Variants in BCL6 observed in about 807,000 individuals in gnomAD.
BCL6 encodes B-cell lymphoma 6 protein.
Under a neutral mutation model 59.5 loss-of-function variants are expected in BCL6, and 7 were observed. That is an observed-to-expected ratio of 0.12 (90% CI 0.07 to 0.22). BCL6 has a LOEUF of 0.22. Among genes scored for constraint, BCL6 ranks in the 10% least tolerant of loss-of-function variants. BCL6 has a pLI of 1.00. For missense variants in BCL6, 685 were observed against 939.4 expected (o/e 0.73, Z 3.54); for synonymous variants, 339 against 349.7 (o/e 0.97, Z 0.34).
chr3:187,743,970 T>C (rs979793497), intron 1 of BCL6, among the ~76,000 whole-genome samples: 5 of 152,258 alleles, frequency 3.3e-5, no homozygotes, highest in East Asian at 1.9e-4. Context: ...GGCCACAAAG[T>C]GCCCTTCTCT....
At position 187,733,499 on chromosome 3, in the gene BCL6, T is replaced by G. The variant is rs571324234; in HGVS notation, c.161+34A>C. The G allele has an allele frequency of 1.3e-5, 21 of 1,605,360 alleles. No homozygotes were observed. The Middle Eastern group carries it at 5.2e-4, about 40-fold the overall frequency. Reference sequence around the variant, plus strand: ...GGCTGCCAGCACCATCACCCCACTTTGACTTACCCACCCTTTCCTTTCAGA... The same window carrying G: ...GGCTGCCAGCACCATCACCCCACTTGGACTTACCCACCCTTTCCTTTCAGA... On this transcript the variant is annotated intron_variant, in intron 3 of 9. Coordinates refer to ENST00000406870, the MANE Select transcript of BCL6 (RefSeq NM_001706.5).
chr3:187,744,815 A>C (rs1711824695), intron 1 of BCL6, among the ~76,000 whole-genome samples: 1 of 152,084 alleles, frequency 6.6e-6, no homozygotes, highest in Admixed American at 6.5e-5. Context: ...CGACGGAGCA[A>C]GGAAAGCAGT....
intron 9 of BCL6, 88 bp from the exon 10 acceptor site, chr3:187,722,689 T>C: frequency 6.6e-7 from 1 of 1,523,438 alleles, no homozygotes; most frequent in Non-Finnish European, 8.9e-7. Flanking sequence ...AGATTCTCCC[T>C]ACGAGGGACT....
chr3:187,733,938 A>G, intron 2 of BCL6: 1 of 529,734 alleles, frequency 1.9e-6, no homozygotes, highest in Non-Finnish European at 3.4e-6. Context: ...GGGAAAAGCA[A>G]AGGGAATGAA....
At chr3:187,724,885 T>A in intron 9 of BCL6, 56 bp downstream of exon 9, 1 of 1,608,750 alleles carries the variant, frequency 6.2e-7, no homozygotes, top group East Asian at 2.2e-5. Flanking sequence ...CTCCACCTCC[T>A]TCCCTGCCCT....
At chr3:187,744,946 C>A in intron 1 of BCL6, among the ~76,000 whole-genome samples, 1 of 152,264 alleles carries the variant, frequency 6.6e-6, no homozygotes, top group East Asian at 1.9e-4. Context: ...CGGTCTGGGG[C>A]CAGACAGCCC....
chr3:187,730,404 GA>G (rs1460198775), intron 4 of BCL6, among the ~76,000 whole-genome samples: 1 of 152,218 alleles, frequency 6.6e-6, no homozygotes, highest in Admixed American at 6.5e-5. Context: ...ATCCTGAAAG[GA>G]AGGAAAGGTG....
At chr3:187,727,980 C>T (rs1579808756) in intron 6 of BCL6, among the ~76,000 whole-genome samples, 1 of 152,292 alleles carries the variant, frequency 6.6e-6, no homozygotes, top group South Asian at 2.1e-4. Flanking sequence ...AGATGCTTCT[C>T]CTTACAGAAT....
intron 5 of BCL6, among the ~76,000 whole-genome samples, chr3:187,728,798 C>CA (rs1199791592): frequency 6.6e-6 from 1 of 152,186 alleles, no homozygotes; most frequent in East Asian, 1.9e-4. Context: ...TCCCCTGCTA[C>CA]ATCAAGACCA....
Position 187,740,135 on chromosome 3 carries a change from G to A in BCL6, c.-49-5228C>T, listed in dbSNP as rs969680835. 4.6e-5 allele frequency among the ~76,000 whole-genome samples: 7 copies of A among 152,176 alleles called. No homozygotes were observed. The South Asian group carries it at 8.3e-4, about 18-fold the overall frequency. ...AGGGGCCGCCAGCATGCGGACGCGC[G>A]TTTGCCATCTTAAGTCACGAGCTCG... On this transcript the variant is annotated intron_variant, in intron 1 of 9. Coordinates refer to ENST00000406870, the MANE Select transcript of BCL6 (RefSeq NM_001706.5).
chr3:187,728,912 T>C, intron 5 of BCL6, 138 bp downstream of exon 5: 3 of 1,217,286 alleles, frequency 2.5e-6, no homozygotes, highest in Non-Finnish European at 3.3e-6. Flanking sequence ...AATACTTCCT[T>C]ACTCAGACTA....
chr3:187,744,124 G>C (rs903402939), intron 1 of BCL6, among the ~76,000 whole-genome samples: 2 of 152,120 alleles, frequency 1.3e-5, no homozygotes, highest in African/African-American at 2.4e-5. Flanking sequence ...TTGCACCATG[G>C]GAAAAAATAA....
At chr3:187,739,712 C>G (rs1313107955) in intron 1 of BCL6, among the ~76,000 whole-genome samples, 1 of 152,240 alleles carries the variant, frequency 6.6e-6, no homozygotes, top group Non-Finnish European at 1.5e-5. Flanking sequence ...CAGAAGGGCC[C>G]GAAGACAATG....
At position 187,725,516 on chromosome 3, in the gene BCL6, C is replaced by T. The variant is rs1042221684; in HGVS notation, c.1822G>A (p.Gly608Arg). 1.2e-6 allele frequency: 2 copies of T among 1,614,102 alleles called. No homozygotes were observed. The highest frequency in any genetic ancestry group is 8.5e-7 in the Non-Finnish European group (1 of 1,180,028). The change falls in exon 8 of 10, where the codon GGA (glycine) becomes AGA (arginine). Residue 608 changes from glycine (G) to arginine (R), a missense_variant. By Grantham distance (125) the Gly-to-Arg change is moderately radical (BLOSUM62 -2). Transcript: ENST00000406870. This position sits in a 1 kb window ranked among gnomAD's most constrained non-coding sequence, Gnocchi z 4.7. ...GEKPYKCETC[G>R]ARFVQVAHLR... ...CTGCTCACCTGTACAAATCTGGCTC[C>T]GCAGGTTTCGCATTTGTAGGGCTTC... is the stretch of plus-strand genomic sequence containing the variant.
chr3:187,729,000 C>A (rs1210716590), intron 5 of BCL6, 50 bp downstream of exon 5: 13 of 1,507,190 alleles, frequency 8.6e-6, no homozygotes, highest in Non-Finnish European at 1.2e-5. Context: ...CGACATGGAA[C>A]CCTGCCCAGG....
In BCL6 at chr3:187,728,423, C is replaced by A. The variant is rs2229362; in HGVS notation, c.1477G>T (p.Ala493Ser). ...ATCTCCTCAGGGAACGTGGGGCCAG[C>A]GGTGTGGAGGCACATCTCTGCATGC... ...PQHAEMCLHT[A>S]GPTFPEEMGE... Residue 493 changes from alanine to serine, a missense_variant, in exon 6 of 10, where the codon GCT becomes TCT. Physicochemically the swap from Ala to Ser is moderately conservative, Grantham distance 99. This residue lies in a region of BCL6 where 207 missense variants were observed against 213.7 expected (regional missense o/e 0.97). Coordinates refer to ENST00000406870, the MANE Select transcript of BCL6 (RefSeq NM_001706.5). The A allele has an allele frequency of 6.2e-7, 1 of 1,611,092 alleles. No individual in the cohort carries two copies. The highest frequency in any genetic ancestry group is 8.5e-7 in the Non-Finnish European group (1 of 1,178,742).
chr3:187,738,357 T>C (rs955258544), intron 1 of BCL6, among the ~76,000 whole-genome samples: 2 of 152,018 alleles, frequency 1.3e-5, no homozygotes, highest in African/African-American at 4.8e-5. Context: ...CCAGGCAAGG[T>C]TGGAGAAAAA....
Position 187,725,765 on chromosome 3 carries a change from G to C in BCL6, c.1709-136C>G, listed in dbSNP as rs535111539. On this transcript the variant is annotated intron_variant, in intron 7 of 9. Transcript: ENST00000406870. This position sits in a 1 kb window ranked among gnomAD's most constrained non-coding sequence, Gnocchi z 4.7. ...TTTTCCTTTCCCTTAGGGAATGTGA[G>C]AGAGAGAATCCAGGGGCCTGCCCCC... 2.7e-5 allele frequency: 31 copies of C among 1,138,424 alleles called. No homozygotes were observed. The highest frequency in any genetic ancestry group is 2.0e-4 in the Middle Eastern group (1 of 4,882). The allele number at this position is 1,138,424 out of a possible 1,614,324, so 70.5% of individuals were successfully genotyped here. A position where few individuals can be genotyped will look rare whatever the true frequency, so the allele number is the denominator to read the frequency against.
chr3:187,745,112 A>G (rs764889884), intron 1 of BCL6, among the ~76,000 whole-genome samples: 12 of 152,242 alleles, frequency 7.9e-5, no homozygotes, highest in Non-Finnish European at 1.2e-4. Context: ...CGATTCACTC[A>G]AAGACAACAA....
Sources: gnomAD v4.1 joint callset for allele counts (sites outside exome capture counted in the v4.1 genomes callset) on GRCh38, gnomAD v4.1.1 for gene constraint, gnomAD v4.1.1 regional missense constraint, Gnocchi (gnomAD v3.1) non-coding constraint, MANE v1.5 for transcripts, NCBI Gene and HGNC (gene_info 2026-07-23, HGNC 2026-07-21) for gene names.